Variants in SS18 observed in about 807,000 individuals in gnomAD.
SS18 encodes the protein SS18 subunit of BAF chromatin remodeling complex, also known as protein SSXT.
A neutral mutation model predicts 72.5 loss-of-function variants in SS18; 28 were observed. The observed-to-expected ratio is 0.39, with a 90% confidence interval of 0.29 to 0.53. The LOEUF is 0.53. Ranked by LOEUF, SS18 falls within the 20% of genes least tolerant of loss-of-function variation. SS18 has a pLI of 0.76. For missense variants in SS18, 518 were observed against 535.3 expected (o/e 0.97, Z 0.32); for synonymous variants, 172 against 164.2 (o/e 1.05, Z -0.37).
chr18:26,090,157 G>A (rs372760863), intron 1 of SS18: 64 of 289,020 alleles, frequency 2.2e-4, no homozygotes, highest in Non-Finnish European at 3.6e-4. Flanking sequence ...AACGCGCGGG[G>A]CCGCCGGTCC....
intron 10 of SS18, among the ~76,000 whole-genome samples, chr18:26,022,337 A>T (rs907844044): frequency 6.6e-6 from 1 of 152,238 alleles, no homozygotes; most frequent in Non-Finnish European, 1.5e-5. Flanking sequence ...ATATGACAAT[A>T]AACAGTAACA....
intron 7 of SS18, among the ~76,000 whole-genome samples, chr18:26,037,632 G>A (rs2143870726): frequency 6.6e-6 from 1 of 152,050 alleles, no homozygotes; most frequent in South Asian, 2.1e-4. Flanking sequence ...AGCTTACATG[G>A]GCTGCTAGTC....
chr18:26,039,408 T>C lies in SS18; in HGVS notation c.656A>G (p.Gln219Arg). 2 of 1,613,846 alleles carry C rather than the reference T, an allele frequency of 1.2e-6. No homozygotes were observed. Among genetic ancestry groups the C allele is most frequent in the South Asian group, 2.2e-5 (2 of 91,066 alleles). The change falls in exon 6 of 11, where the codon CAG (glutamine) becomes CGG (arginine). Residue 219 changes from glutamine (Q) to arginine (R), a missense_variant. By Grantham distance (43) the Gln-to-Arg change is conservative (BLOSUM62 1). Transcript: ENST00000415083. ...QPPSQQYNMP[Q>R]GGGQHYQGQQ... is the part of the protein sequence containing the mutation. ...TCCTTGGTAATGCTGTCCGCCTCCCTGTGGCATATTGTATTGCTGAGAAGG... is the reference window on the plus strand; with the variant it reads ...TCCTTGGTAATGCTGTCCGCCTCCCCGTGGCATATTGTATTGCTGAGAAGG...
intron 4 of SS18, 133 bp from the exon 5 acceptor site, chr18:26,052,978 G>A: frequency 1.4e-6 from 1 of 691,790 alleles, no homozygotes; most frequent in South Asian, 2.0e-5. Context: ...CAAAGTAAAT[G>A]GTTTATAGGA....
intron 10 of SS18, among the ~76,000 whole-genome samples, chr18:26,031,676 G>C (rs1185343530): frequency 6.6e-6 from 1 of 152,186 alleles, no homozygotes; most frequent in African/African-American, 2.4e-5. Flanking sequence ...CTGGGTTCAA[G>C]GGAATACAGT....
At chr18:26,027,829 T>C (rs1248201278) in intron 10 of SS18, among the ~76,000 whole-genome samples, 3 of 151,794 alleles carry the variant, frequency 2.0e-5, no homozygotes, top group Admixed American at 2.0e-4. Flanking sequence ...TAGACTTAAA[T>C]GTAAACTCTA....
At chr18:26,080,913 C>A (rs1440448882) in intron 2 of SS18, among the ~76,000 whole-genome samples, 1 of 151,944 alleles carries the variant, frequency 6.6e-6, no homozygotes, top group Non-Finnish European at 1.5e-5. Context: ...AACAGGACAA[C>A]CATCATGGGG....
intron 5 of SS18, among the ~76,000 whole-genome samples, chr18:26,051,244 GAT>G (rs1473967028): frequency 6.6e-6 from 1 of 152,040 alleles, no homozygotes; most frequent in Non-Finnish European, 1.5e-5. Flanking sequence ...GGCAAAAAGT[GAT>G]ATAACTACTG....
intron 10 of SS18, among the ~76,000 whole-genome samples, chr18:26,024,585 G>A (rs1051624016): frequency 1.3e-5 from 2 of 152,156 alleles, no homozygotes; most frequent in Non-Finnish European, 2.9e-5. Flanking sequence ...CCAAAGTGCT[G>A]TAATTATAGG....
Position 26,032,494 on chromosome 18 carries a change from A to T in SS18, c.1135T>A (p.Tyr379Asn). The change falls in exon 10 of 11, where the codon TAC (tyrosine) becomes AAC (asparagine). Residue 379 changes from tyrosine (Y) to asparagine (N), a missense_variant. Transcript: ENST00000415083. ...QGGPGPQYPN[Y>N]PQGQGQQYGG... is the part of the protein sequence containing the mutation. Reference sequence around the variant, plus strand: ...TACTGCTGACCTTGTCCCTGTGGGTAGTTAGGATACTGAGGACCTGGACCA... The same window carrying T: ...TACTGCTGACCTTGTCCCTGTGGGTTGTTAGGATACTGAGGACCTGGACCA... 1 of 1,613,800 alleles carries T rather than the reference A, an allele frequency of 6.2e-7. No homozygotes were observed. Among genetic ancestry groups the T allele is most frequent in the Non-Finnish European group, 8.5e-7 (1 of 1,179,816 alleles).
intron 3 of SS18, among the ~76,000 whole-genome samples, chr18:26,061,168 C>T (rs560706017): frequency 6.6e-6 from 1 of 152,204 alleles, no homozygotes; most frequent in African/African-American, 2.4e-5. Flanking sequence ...AAAAAATTAG[C>T]CAGACATGGT....
rs1007372560 is a variant in SS18 at position 26,017,688 on chromosome 18, A to T, written c.*666T>A. 2 of 213,262 alleles carry T rather than the reference A, an allele frequency of 9.4e-6. No individual in the cohort carries two copies. The highest frequency in any genetic ancestry group is 1.9e-5 in the Non-Finnish European group (2 of 105,410). The allele number at this position is 213,262 out of a possible 1,614,324, so 13.2% of individuals were successfully genotyped here. A position where few individuals can be genotyped will look rare whatever the true frequency, so the allele number is the denominator to read the frequency against. On this transcript the variant is annotated 3_prime_UTR_variant, in exon 11 of 11. Transcript: ENST00000415083. ...CTTTTAAAAAATGTCTTTTTACTCAAAACTGTATCACAGTGCCCTTGATTA... is the reference window on the plus strand; with the variant it reads ...CTTTTAAAAAATGTCTTTTTACTCATAACTGTATCACAGTGCCCTTGATTA...
chr18:26,026,535 A>C (rs2053449968), intron 10 of SS18, among the ~76,000 whole-genome samples: 1 of 152,184 alleles, frequency 6.6e-6, no homozygotes, highest in Admixed American at 6.5e-5. Flanking sequence ...ATCTTATATA[A>C]GGATGAAAAA....
At chr18:26,087,722 G>A (rs2054641440) in intron 1 of SS18, 145 bp from the exon 2 acceptor site, 1 of 460,716 alleles carries the variant, frequency 2.2e-6, no homozygotes, top group Non-Finnish European at 3.9e-6. Context: ...ACTGTCCCCT[G>A]CAAACAATCA....
At chr18:26,060,105 A>G (rs1053550461) in intron 3 of SS18, among the ~76,000 whole-genome samples, 1 of 152,264 alleles carries the variant, frequency 6.6e-6, no homozygotes, top group Admixed American at 6.5e-5. Flanking sequence ...AAATGTTCAC[A>G]GTGGCATTAT....
intron 2 of SS18, among the ~76,000 whole-genome samples, chr18:26,084,343 G>A (rs1047835176): frequency 4.6e-5 from 7 of 152,110 alleles, no homozygotes; most frequent in African/African-American, 1.7e-4. Flanking sequence ...AGGAATGATA[G>A]ATTTAGTCAT....
At chr18:26,028,570 A>G (rs2053491171) in intron 10 of SS18, among the ~76,000 whole-genome samples, 1 of 152,256 alleles carries the variant, frequency 6.6e-6, no homozygotes, top group Non-Finnish European at 1.5e-5. Context: ...TAGCCATATA[A>G]TGGAACACTA....
intron 5 of SS18, among the ~76,000 whole-genome samples, chr18:26,052,269 A>C (rs926309806): frequency 6.6e-6 from 1 of 152,264 alleles, no homozygotes; most frequent in Non-Finnish European, 1.5e-5. Context: ...AGGGGAATTC[A>C]TATAAATTAA....
At chr18:26,043,654 AT>A (rs1223025327) in intron 5 of SS18, among the ~76,000 whole-genome samples, 4 of 152,190 alleles carry the variant, frequency 2.6e-5, no homozygotes, top group African/African-American at 9.7e-5. Context: ...CACATCAAGA[AT>A]TTTTAGTAGT....
Sources: gnomAD v4.1 joint callset for allele counts (sites outside exome capture counted in the v4.1 genomes callset) on GRCh38, gnomAD v4.1.1 for gene constraint, MANE v1.5 for transcripts, NCBI Gene and HGNC (gene_info 2026-07-23, HGNC 2026-07-21) for gene names.